Variants in PRDM2 observed in about 807,000 individuals in gnomAD.
PRDM2 encodes PR domain zinc finger protein 2.
Under a neutral mutation model 130.0 loss-of-function variants are expected in PRDM2, and 30 were observed. The observed-to-expected ratio is 0.23, with a 90% CI of 0.17 to 0.31. PRDM2 has a LOEUF of 0.31. Ranked by LOEUF, PRDM2 falls within the 10% of genes least tolerant of loss-of-function variation. The pLI is 1.00. For missense variants in PRDM2, 2,011 were observed against 2,108.4 expected (o/e 0.95, Z 0.90); for synonymous variants, 871 against 782.4 (o/e 1.11, Z -1.89).
Position 13,782,711 on chromosome 1 carries a change from T to A in PRDM2, c.4916T>A (p.Ile1639Lys). 6.2e-7 allele frequency: 1 copy of A among 1,613,898 alleles called. No individual in the cohort carries two copies. The highest frequency in any genetic ancestry group is 8.5e-7 in the Non-Finnish European group (1 of 1,179,980). ...AAGAAAAGAACAGACCGGTTCAATA[T>A]AAAATCTAGAGAGCGGAGTGGGGGG... ...ASKKRTDRFN[I>K]KSRERSGGPV... The change falls in exon 8 of 10, where the codon ATA (isoleucine) becomes AAA (lysine). Residue 1639 changes from isoleucine to lysine, a missense_variant. By Grantham distance (102) the Ile-to-Lys change is moderately radical (BLOSUM62 -3). Coordinates refer to ENST00000311066, the MANE Select transcript of PRDM2 (RefSeq NM_001393986.1).
rs1557685046 is a variant in PRDM2 at position 13,824,437 on chromosome 1, C to T, written c.*1302C>T. The T allele has an allele frequency of 6.6e-6, 1 of 152,096 alleles. No homozygotes were observed. Among genetic ancestry groups the T allele is most frequent in the Admixed American group, 6.6e-5 (1 of 15,264 alleles). The allele number at this position is 152,096 out of a possible 1,614,324, so 9.4% of individuals were successfully genotyped here. ...GTATTTATGTCCCTGACTGTAAATGCTCCATTTTTAAAGTTTTATAACTTG... is the reference window on the plus strand; with the variant it reads ...GTATTTATGTCCCTGACTGTAAATGTTCCATTTTTAAAGTTTTATAACTTG... On this transcript the variant is annotated 3_prime_UTR_variant, in exon 10 of 10. Coordinates refer to ENST00000311066, the MANE Select transcript of PRDM2 (RefSeq NM_001393986.1).
chr1:13,726,179 A>G (rs1642910129), intron 2 of PRDM2, among the ~76,000 whole-genome samples: 1 of 152,190 alleles, frequency 6.6e-6, no homozygotes, highest in East Asian at 1.9e-4. Context: ...CATCTGTGTT[A>G]GTTGTGATTG....
At chr1:13,749,518 C>T in intron 6 of PRDM2, 31 bp downstream of exon 6, 2 of 1,286,122 alleles carry the variant, frequency 1.6e-6, no homozygotes, top group Non-Finnish European at 2.0e-6. Context: ...CCGCCCGGCC[C>T]CGGCGCCACG....
intron 6 of PRDM2, among the ~76,000 whole-genome samples, chr1:13,753,168 T>A (rs940134210): frequency 1.3e-5 from 2 of 152,214 alleles, no homozygotes; most frequent in Non-Finnish European, 2.9e-5. Flanking sequence ...TCTAACCTAT[T>A]GACCTCGCTG....
In PRDM2 at chr1:13,731,007, C is replaced by G; in HGVS notation, c.17C>G (p.Thr6Ser). 6.4e-7 allele frequency: 1 copy of G among 1,558,016 alleles called. No individual in the cohort carries two copies. Among genetic ancestry groups the G allele is most frequent in the East Asian group, 2.3e-5 (1 of 42,870 alleles). ...CCATTTCTTGACTTGCAGAACACTA[C>G]TGAGCCTGTGGCGGCCACCGAGACC... MNQNT[T>S]EPVAATETLA... is the part of the protein sequence containing the mutation. The change falls in exon 3 of 10, where the codon ACT (threonine) becomes AGT (serine). Residue 6 changes from threonine to serine, a missense_variant. Coordinates refer to ENST00000311066, the MANE Select transcript of PRDM2 (RefSeq NM_001393986.1).
intron 8 of PRDM2, among the ~76,000 whole-genome samples, chr1:13,796,635 C>G (rs900100136): frequency 1.3e-5 from 2 of 152,114 alleles, no homozygotes; most frequent in African/African-American, 4.8e-5. Flanking sequence ...ACCTGTAGTC[C>G]CAGCTACTCA....
rs539070576 is a variant in PRDM2, at chr1:13,803,711, G to A, written c.5037-12716G>A. ...AGCCACAGCCGGGGGCTTTCCCCGC[G>A]GGCAGGTTCTCCGGGCCGAGGTCAC... On this transcript the variant is annotated intron_variant, in intron 8 of 9. Coordinates refer to ENST00000311066, the MANE Select transcript of PRDM2 (RefSeq NM_001393986.1). The surrounding 1 kb of genome is among the most constrained non-coding windows in gnomAD (Gnocchi z 6.2). 1.3e-4 allele frequency among the ~76,000 whole-genome samples: 20 copies of A among 152,266 alleles called. No homozygotes were observed. Among genetic ancestry groups the A allele is most frequent in the East Asian group, 3.9e-4 (2 of 5,164 alleles).
At chr1:13,768,385 CTT>C (rs879709838) in intron 6 of PRDM2, among the ~76,000 whole-genome samples, 1 of 138,660 alleles carries the variant, frequency 7.2e-6, no homozygotes. Context: ...GCCCGGCCTT[CTT>C]TTTTTTTTTA....
intron 8 of PRDM2, 184 bp downstream of exon 8, chr1:13,783,015 C>A (rs1644654048): frequency 2.9e-6 from 4 of 1,361,784 alleles, no homozygotes; most frequent in Non-Finnish European, 4.0e-6. Flanking sequence ...ATAAATAGTT[C>A]TAATTTCAGA....
rs542897882 is a variant in PRDM2 at position 13,731,081 on chromosome 1, A to C, written c.91A>C (p.Arg31=). Residue 31 remains arginine (R), a synonymous_variant, in exon 3 of 10, where the codon AGG becomes CGG. Coordinates refer to ENST00000311066, the MANE Select transcript of PRDM2 (RefSeq NM_001393986.1). The stretch of plus-strand genomic sequence containing the variant: ...GCTGCGAGGACTTCCGGAGGAAGTG[A>C]GGCTTTTCCCTTCTGCTGTTGACAA... The part of the protein sequence containing the change: ...HVLRGLPEEV[R]LFPSAVDKTR... The C allele has an allele frequency of 6.2e-7, 1 of 1,611,860 alleles. No individual in the cohort carries two copies. Among genetic ancestry groups the C allele is most frequent in the Non-Finnish European group, 8.5e-7 (1 of 1,179,398 alleles).
chr1:13,730,649 G>A (rs1199431885), intron 2 of PRDM2, among the ~76,000 whole-genome samples: 1 of 152,182 alleles, frequency 6.6e-6, no homozygotes, highest in African/African-American at 2.4e-5. Context: ...GGTACTGATG[G>A]TAGCCTTTGA....
At chr1:13,802,353 A>G (rs1645021706) in intron 8 of PRDM2, among the ~76,000 whole-genome samples, 1 of 152,112 alleles carries the variant, frequency 6.6e-6, no homozygotes, top group Non-Finnish European at 1.5e-5. Flanking sequence ...AAAGAACCCC[A>G]AGCTCCCACA....
intron 1 of PRDM2, among the ~76,000 whole-genome samples, chr1:13,713,457 A>G (rs1161414499): frequency 1.3e-5 from 2 of 152,222 alleles, no homozygotes; most frequent in African/African-American, 4.8e-5. Context: ...AGGGGACCTG[A>G]GCTGGTTCAT....
intron 4 of PRDM2, among the ~76,000 whole-genome samples, chr1:13,733,124 C>T (rs1643160966): frequency 1.3e-5 from 2 of 152,260 alleles, no homozygotes; most frequent in Non-Finnish European, 2.9e-5. Flanking sequence ...TTTACATTGC[C>T]GTGTCCAGGG....
chr1:13,791,325 A>T (rs1439116605), intron 8 of PRDM2, among the ~76,000 whole-genome samples: 1 of 151,990 alleles, frequency 6.6e-6, no homozygotes, highest in African/African-American at 2.4e-5. Flanking sequence ...ATAAACTTCT[A>T]CCCCCATCAC....
At chr1:13,778,395 T>C in intron 7 of PRDM2, 23 bp from the exon 8 acceptor site, 2 of 1,559,548 alleles carry the variant, frequency 1.3e-6, no homozygotes, top group Non-Finnish European at 1.7e-6. Context: ...ACTTCCATGC[T>C]TCTGCTTCCA....
chr1:13,738,815 C>T (rs770309978), intron 4 of PRDM2: 1 of 152,132 alleles, frequency 6.6e-6, no homozygotes, highest in Non-Finnish European at 1.5e-5. Flanking sequence ...ATACTGAAGA[C>T]CCGTTTTTGT....
In PRDM2 at chr1:13,805,300, C is replaced by G. The variant is rs541177765; in HGVS notation, c.5037-11127C>G. Among the ~76,000 whole-genome samples, 3 of 152,316 alleles carry G rather than the reference C, an allele frequency of 2.0e-5. No individual in the cohort carries two copies. In the East Asian group the frequency reaches 5.8e-4, roughly 29 times the overall value. ...TTTTCCAGCGGCTACACAGCAAGTC[C>G]GTAATGGAGCTAGGATTCCAGCTCT... On this transcript the variant is annotated intron_variant, in intron 8 of 9. Transcript: ENST00000311066.
chr1:13,782,942 G>C (rs770835461), intron 8 of PRDM2, 111 bp downstream of exon 8: 1 of 1,567,152 alleles, frequency 6.4e-7, no homozygotes, highest in South Asian at 1.1e-5. Flanking sequence ...CCACTTAAAG[G>C]AAATAGCTGT....
Sources: allele counts gnomAD v4.1 joint callset (sites outside exome capture counted in the v4.1 genomes callset), GRCh38; gene constraint gnomAD v4.1.1; non-coding constraint Gnocchi (gnomAD v3.1); transcripts MANE v1.5; gene names NCBI Gene and HGNC (gene_info 2026-07-23, HGNC 2026-07-21).